The following NKAIN2 variants were observed in gnomAD, a reference collection of about 807,000 sequenced individuals.
The protein encoded by NKAIN2 is sodium/potassium-transporting ATPase subunit beta-1-interacting protein 2.
In NKAIN2, 14 loss-of-function variants were observed where a neutral mutation model predicts 32.6. The ratio of observed to expected loss-of-function variants is 0.43; its 90% CI spans 0.28 to 0.67. The LOEUF (loss-of-function observed/expected upper bound fraction) is 0.67, where lower values mean the gene tolerates loss of function less well. Among genes scored for constraint, NKAIN2 ranks in the 30% least tolerant of loss-of-function variants. NKAIN2 has a pLI of 0.17. For missense variants in NKAIN2, 198 were observed against 258.3 expected (o/e 0.77, Z 1.60); for synonymous variants, 80 against 87.2 (o/e 0.92, Z 0.46).
rs529824109 is a variant in NKAIN2 at position 124,712,204 on chromosome 6, A to G, written c.474+53818A>G. Among the ~76,000 whole-genome samples, 159 of 150,058 alleles carry G rather than the reference A, an allele frequency of 1.1e-3. 1 individual carries two copies. Among genetic ancestry groups the G allele is most frequent in the African/African-American group, 3.8e-3 (152 of 40,526 alleles). Reference sequence around the variant, plus strand: ...AGATCTCCAGCTGCGTGCTGGGAGAACCACTGCTCTCTTCAAAGCTGTCAG... The same window carrying G: ...AGATCTCCAGCTGCGTGCTGGGAGAGCCACTGCTCTCTTCAAAGCTGTCAG... On this transcript the variant is annotated intron_variant, in intron 4 of 6. Coordinates refer to ENST00000368417, the MANE Select transcript of NKAIN2 (RefSeq NM_001040214.3).
At chr6:124,760,904 C>CT (rs909014645) in intron 4 of NKAIN2, among the ~76,000 whole-genome samples, 18 of 152,222 alleles carry the variant, frequency 1.2e-4, no homozygotes, top group African/African-American at 4.3e-4. Context: ...TTTTTGTCTG[C>CT]TTTTTTCATT....
intron 1 of NKAIN2, among the ~76,000 whole-genome samples, chr6:123,827,715 A>C (rs1774205922): frequency 6.6e-6 from 1 of 152,156 alleles, no homozygotes; most frequent in East Asian, 1.9e-4. Context: ...ATATTTAAAA[A>C]TGTTTTCCAA....
chr6:124,351,508 C>CA (rs397956239), intron 2 of NKAIN2, among the ~76,000 whole-genome samples: 53,033 of 108,982 alleles, frequency 0.49, 10,251 homozygotes, highest in African/African-American at 0.57. Flanking sequence ...TCAAAAAAAC[C>CA]AAAAAAAAAA....
intron 3 of NKAIN2, among the ~76,000 whole-genome samples, chr6:124,427,268 C>T (rs965786819): frequency 1.3e-5 from 2 of 152,044 alleles, no homozygotes; most frequent in Non-Finnish European, 2.9e-5. Flanking sequence ...AAATGTTCAT[C>T]AACAAATGAA....
At chr6:124,533,298 C>G (rs986348365) in intron 3 of NKAIN2, among the ~76,000 whole-genome samples, 1 of 151,538 alleles carries the variant, frequency 6.6e-6, no homozygotes, top group Non-Finnish European at 1.5e-5. Context: ...GGTGAAACCC[C>G]GTCTGTACTA....
intron 1 of NKAIN2, among the ~76,000 whole-genome samples, chr6:123,990,821 C>T (rs553963725): frequency 6.6e-6 from 1 of 152,156 alleles, no homozygotes; most frequent in South Asian, 2.1e-4. Flanking sequence ...CTCTCTCTGC[C>T]CCATATTTTC....
intron 4 of NKAIN2, among the ~76,000 whole-genome samples, chr6:124,717,973 C>G (rs1775832592): frequency 6.6e-6 from 1 of 152,096 alleles, no homozygotes; most frequent in Non-Finnish European, 1.5e-5. Flanking sequence ...GGTTTTATCT[C>G]TAAGGGATCA....
intron 3 of NKAIN2, among the ~76,000 whole-genome samples, chr6:124,401,603 T>C (rs752968523): frequency 1.3e-4 from 20 of 152,210 alleles, no homozygotes; most frequent in Non-Finnish European, 5.9e-5. Flanking sequence ...TGGTCAGGCT[T>C]TTTCCATGTT....
chr6:124,195,702 C>A (rs1363443225), intron 1 of NKAIN2, among the ~76,000 whole-genome samples: 2 of 152,074 alleles, frequency 1.3e-5, no homozygotes, highest in African/African-American at 4.8e-5. Context: ...AAAAGTAAAT[C>A]ATTCCATGAT....
intron 3 of NKAIN2, among the ~76,000 whole-genome samples, chr6:124,369,325 T>C (rs922193948): frequency 1.3e-5 from 2 of 152,186 alleles, no homozygotes; most frequent in Admixed American, 1.3e-4. Context: ...TGGCTTTAAA[T>C]TTAAAAATAA....
chr6:123,973,285 T>G (rs1778420297), intron 1 of NKAIN2, among the ~76,000 whole-genome samples: 1 of 151,998 alleles, frequency 6.6e-6, no homozygotes, highest in Non-Finnish European at 1.5e-5. Context: ...TTATTAACAG[T>G]TAGAGCAGAG....
intron 3 of NKAIN2, among the ~76,000 whole-genome samples, chr6:124,655,170 G>A (rs1048103943): frequency 1.3e-5 from 2 of 151,760 alleles, no homozygotes; most frequent in Non-Finnish European, 2.9e-5. Flanking sequence ...TTAGTATTAG[G>A]AAAGAAGAGA....
Position 124,303,797 on chromosome 6 carries a change from T to G in NKAIN2, c.192+20655T>G, listed in dbSNP as rs539177980. Among the ~76,000 whole-genome samples the G allele has an allele frequency of 1.4e-4, 22 of 152,292 alleles. No individual in the cohort carries two copies. The South Asian group carries it at 4.6e-3, about 32-fold the overall frequency. ...AGAAAAATTATCAGACCTGCAGTAT[T>G]CCCAGTTAAAGATGAAGAGGACTTG... On this transcript the variant is annotated intron_variant, in intron 2 of 6. Transcript: ENST00000368417.
chr6:123,975,607 T>C (rs1381116233), intron 1 of NKAIN2, among the ~76,000 whole-genome samples: 1 of 152,014 alleles, frequency 6.6e-6, no homozygotes, highest in African/African-American at 2.4e-5. Context: ...ATTTCTGGAG[T>C]CTGGGAAGTC....
At chr6:124,155,467 T>C (rs140260025) in intron 1 of NKAIN2, among the ~76,000 whole-genome samples, 2 of 151,970 alleles carry the variant, frequency 1.3e-5, no homozygotes, top group East Asian at 3.9e-4. Flanking sequence ...AAAATTTAAA[T>C]GTTGAATGAG....
intron 1 of NKAIN2, among the ~76,000 whole-genome samples, chr6:123,856,086 T>C (rs1775544437): frequency 6.6e-6 from 1 of 152,226 alleles, no homozygotes; most frequent in African/African-American, 2.4e-5. Context: ...TCTTTTGATT[T>C]CTTACTTTTT....
At chr6:124,264,480 G>A (rs1794396044) in intron 1 of NKAIN2, among the ~76,000 whole-genome samples, 2 of 152,250 alleles carry the variant, frequency 1.3e-5, no homozygotes, top group South Asian at 4.1e-4. Flanking sequence ...GCAATCATAA[G>A]TTACATTCTA....
At chr6:123,947,687 T>A (rs1288373717) in intron 1 of NKAIN2, among the ~76,000 whole-genome samples, 1 of 152,170 alleles carries the variant, frequency 6.6e-6, no homozygotes, top group African/African-American at 2.4e-5. Context: ...ATGCATAGAC[T>A]GTGCAGTGAT....
At chr6:124,446,453 C>T (rs1775897676) in intron 3 of NKAIN2, among the ~76,000 whole-genome samples, 1 of 152,030 alleles carries the variant, frequency 6.6e-6, no homozygotes, top group African/African-American at 2.4e-5. Flanking sequence ...AGTGATCCTC[C>T]CACCTCAGCT....
Sources: gnomAD v4.1 joint callset for allele counts (sites outside exome capture counted in the v4.1 genomes callset) on GRCh38, gnomAD v4.1.1 for gene constraint, MANE v1.5 for transcripts, NCBI Gene and HGNC (gene_info 2026-07-23, HGNC 2026-07-21) for gene names.